FAAH2: variants seen among roughly 807,000 people sequenced by gnomAD.
FAAH2 encodes the protein fatty acid amide hydrolase 2, also known as fatty-acid amide hydrolase 2.
FAAH2 carries 60 observed loss-of-function variants against 36.9 expected under a neutral mutation model. The ratio of observed to expected loss-of-function variants is 1.63; its 90% CI spans 1.32 to 2.02. The LOEUF is 2.02. FAAH2 is among the 30% of genes most tolerant of loss of function. The pLI is 0.00. For missense variants in FAAH2, 689 were observed against 397.5 expected (o/e 1.73, Z -6.23); for synonymous variants, 214 against 143.8 (o/e 1.49, Z -3.49).
chrX:57,376,785 G>A (rs190557826), intron 5 of FAAH2, among the ~76,000 whole-genome samples: 3 of 112,006 alleles, frequency 2.7e-5, no homozygotes, highest in East Asian at 2.8e-4. Context: ...TGTAAAAAGC[G>A]TTTTTATTTC....
rs770513211 is a variant in FAAH2 at position 57,337,582 on chromosome X, C to T, written c.623-3689C>T. On this transcript the variant is annotated intron_variant, in intron 4 of 10. Coordinates refer to ENST00000374900, the MANE Select transcript of FAAH2 (RefSeq NM_174912.4). The stretch of plus-strand genomic sequence containing the variant: ...CATGAACAAATTGGTTTCATCCCTA[C>T]GATGCAAGTTTGGCTGAACATATGC... Among the ~76,000 whole-genome samples, 2 of 111,995 alleles carry T rather than the reference C, an allele frequency of 1.8e-5. 1 individual carries two copies. The highest frequency in any genetic ancestry group is 7.4e-4 in the South Asian group (2 of 2,699).
the FAAH2 span, among the ~76,000 whole-genome samples, chrX:57,200,697 T>G: frequency 2.7e-5 from 3 of 111,962 alleles, no homozygotes; most frequent in African/African-American, 9.7e-5. Context: ...ACTGTTTAAT[T>G]TTTTTCATTT....
At chrX:57,309,607 T>C (rs1232257736) in intron 2 of FAAH2, among the ~76,000 whole-genome samples, 1 of 111,539 alleles carries the variant, frequency 9.0e-6, no homozygotes, top group South Asian at 3.8e-4. Context: ...TATCTGATGC[T>C]CTTTCCACCC....
At chrX:57,232,393 T>C in the FAAH2 span, among the ~76,000 whole-genome samples, 1 of 111,705 alleles carries the variant, frequency 9.0e-6, no homozygotes, top group Non-Finnish European at 1.9e-5. Flanking sequence ...GGAACTAAAG[T>C]GGATAAATGG....
chrX:57,315,308 A>T (rs914595500), intron 3 of FAAH2, among the ~76,000 whole-genome samples: 1 of 111,185 alleles, frequency 9.0e-6, no homozygotes, highest in Admixed American at 9.6e-5. Context: ...ATGGATTCAC[A>T]GCCAAATTCT....
intron 10 of FAAH2, among the ~76,000 whole-genome samples, chrX:57,476,536 C>T (rs147357996): frequency 2.8e-3 from 307 of 111,031 alleles, no homozygotes; most frequent in African/African-American, 9.4e-3. Context: ...GGGATGAAGC[C>T]GACTTGATCA....
chrX:57,262,465 T>C, the FAAH2 span, among the ~76,000 whole-genome samples: 1 of 111,808 alleles, frequency 8.9e-6, no homozygotes, highest in East Asian at 2.8e-4. Context: ...TAAGAGTTAA[T>C]TATATTCATG....
chrX:57,206,555 T>G, the FAAH2 span, among the ~76,000 whole-genome samples: 1 of 112,642 alleles, frequency 8.9e-6, no homozygotes, highest in East Asian at 2.8e-4. Flanking sequence ...TTGCTTGCCC[T>G]ATATAAGTCT....
intron 3 of FAAH2, among the ~76,000 whole-genome samples, chrX:57,323,932 T>C (rs1235196404): frequency 1.8e-5 from 2 of 111,248 alleles, no homozygotes; most frequent in Admixed American, 9.5e-5. Flanking sequence ...ATGTCCTGAA[T>C]GGTATTGCCT....
At chrX:57,488,237 A>G (rs1191022614) in intron 10 of FAAH2, among the ~76,000 whole-genome samples, 1 of 111,908 alleles carries the variant, frequency 8.9e-6, no homozygotes, top group African/African-American at 3.2e-5. Flanking sequence ...ATGCTGCAAT[A>G]AAGTTTTATA....
chrX:57,260,777 TA>T, the FAAH2 span, among the ~76,000 whole-genome samples: 2 of 110,956 alleles, frequency 1.8e-5, no homozygotes, highest in African/African-American at 6.5e-5. Flanking sequence ...ATATGAATGG[TA>T]AATAAGTGTA....
the FAAH2 span, among the ~76,000 whole-genome samples, chrX:57,264,501 A>T: frequency 8.9e-6 from 1 of 112,700 alleles, no homozygotes; most frequent in East Asian, 2.8e-4. Context: ...TGCATCAGTC[A>T]AACTGGCTAT....
the FAAH2 span, among the ~76,000 whole-genome samples, chrX:57,155,305 C>T: frequency 9.0e-6 from 1 of 111,481 alleles, no homozygotes; most frequent in Non-Finnish European, 1.9e-5. Context: ...TTAGGTGTGT[C>T]TGAGGTGAGA....
chrX:57,327,312 T>C (rs2053246558), intron 3 of FAAH2, among the ~76,000 whole-genome samples: 1 of 107,109 alleles, frequency 9.3e-6, no homozygotes, highest in African/African-American at 3.4e-5. Flanking sequence ...CTGACAATTA[T>C]TTGTCTTGGA....
intron 10 of FAAH2, among the ~76,000 whole-genome samples, chrX:57,481,164 G>A (rs2057371918): frequency 9.1e-6 from 1 of 109,938 alleles, no homozygotes; most frequent in African/African-American, 3.3e-5. Flanking sequence ...AGGTTTTTAG[G>A]TTCCTTGCCT....
At chrX:57,375,809 C>T (rs773469512) in intron 5 of FAAH2, among the ~76,000 whole-genome samples, 56 of 111,374 alleles carry the variant, frequency 5.0e-4, no homozygotes, top group Non-Finnish European at 5.3e-4. Flanking sequence ...AATATTTGCC[C>T]ATCCAAAGCC....
At chrX:57,460,515 G>T (rs1234599328) in intron 10 of FAAH2, among the ~76,000 whole-genome samples, 3 of 111,634 alleles carry the variant, frequency 2.7e-5, no homozygotes, top group African/African-American at 6.5e-5. Context: ...TCAAAGAAAA[G>T]AATTTTTAAC....
intron 3 of FAAH2, among the ~76,000 whole-genome samples, chrX:57,314,879 C>T (rs1017010063): frequency 6.3e-5 from 7 of 110,484 alleles, no homozygotes; most frequent in Admixed American, 1.9e-4. Context: ...ATGTGAACTA[C>T]GATAATAAGA....
At chrX:57,480,712 G>A (rs1337563856) in intron 10 of FAAH2, among the ~76,000 whole-genome samples, 2 of 110,869 alleles carry the variant, frequency 1.8e-5, no homozygotes, top group East Asian at 5.7e-4. Context: ...GCGATTAGGT[G>A]TCTTGGGGTT....
Sources: gnomAD v4.1 joint callset for allele counts (sites outside exome capture counted in the v4.1 genomes callset) on GRCh38, gnomAD v4.1.1 for gene constraint, MANE v1.5 for transcripts, NCBI Gene and HGNC (gene_info 2026-07-23, HGNC 2026-07-21) for gene names.